The following ADCY3 variants were observed in gnomAD, a reference collection of about 807,000 sequenced individuals.
The protein encoded by ADCY3 is adenylate cyclase type 3.
A neutral mutation model predicts 119.4 loss-of-function variants in ADCY3; 70 were observed. The ratio of observed to expected loss-of-function variants is 0.59; its 90% confidence interval spans 0.48 to 0.72. ADCY3 has a LOEUF of 0.72. Among genes scored for constraint, ADCY3 ranks in the 30% least tolerant of loss-of-function variants. ADCY3 has a pLI of 0.00. For missense variants in ADCY3, 1,238 were observed against 1,541.6 expected (o/e 0.80, Z 3.30); for synonymous variants, 672 against 621.4 (o/e 1.08, Z -1.21).
At chr2:24,876,704 G>C (rs529105902) in intron 2 of ADCY3, among the ~76,000 whole-genome samples, 18 of 152,258 alleles carry the variant, frequency 1.2e-4, no homozygotes, top group Non-Finnish European at 2.2e-4. Flanking sequence ...GGCAGCTGCC[G>C]TTCCTCTAAA....
chr2:24,835,306 C>T (rs1229465693), intron 9 of ADCY3, among the ~76,000 whole-genome samples: 1 of 152,104 alleles, frequency 6.6e-6, no homozygotes, highest in Non-Finnish European at 1.5e-5. Context: ...GATGTGGGGG[C>T]CATATACATT....
rs752163659 is a variant in ADCY3 at position 24,834,585 on chromosome 2, G to A, written c.1867C>T (p.Arg623Cys). The A allele has an allele frequency of 6.8e-6, 11 of 1,614,000 alleles. No individual in the cohort carries two copies. The highest frequency in any genetic ancestry group is 1.7e-5 in the Admixed American group (1 of 60,002). The change falls in exon 11 of 22, where the codon CGC (arginine) becomes TGC (cysteine). Residue 623 changes from arginine to cysteine, a missense_variant. Transcript: ENST00000679454. This position sits in a 1 kb window ranked among gnomAD's most constrained non-coding sequence, Gnocchi z 4.2. ...TGCTTCTCCTTCTCCACCGAGTAGC[G>A]GGTTTCCATCTCGGGGTCCATGAAC... is the stretch of plus-strand genomic sequence containing the variant. ...MRFMDPEMETRYSVEKEKQSG... is the reference protein window; with the variant it reads ...MRFMDPEMETCYSVEKEKQSG...
chr2:24,820,704 A>G lies in ADCY3; in HGVS notation c.3252+20T>C. On this transcript the variant is annotated intron_variant, in intron 21 of 21. Transcript: ENST00000679454. ...CTCATGCCGAGTCTGAGCACGTGCC[A>G]GCTGTGCCACTGGACATACCTGAAT... 1 of 1,613,708 alleles carries G rather than the reference A, an allele frequency of 6.2e-7. No homozygotes were observed. Among genetic ancestry groups the G allele is most frequent in the Non-Finnish European group, 8.5e-7 (1 of 1,179,764 alleles).
chr2:24,845,217 A>AGTCACTTCC (rs1244623909), intron 3 of ADCY3, among the ~76,000 whole-genome samples: 2 of 152,228 alleles, frequency 1.3e-5, no homozygotes, highest in African/African-American at 4.8e-5. Context: ...GATACCCAAA[A>AGTCACTTCC]ACGTGGAAGT....
In ADCY3 at chr2:24,841,794, C is replaced by A; in HGVS notation, c.957-127G>T. On this transcript the variant is annotated intron_variant, in intron 4 of 21. Transcript: ENST00000679454. The surrounding 1 kb of genome is among the most constrained non-coding windows in gnomAD (Gnocchi z 5.8). Reference sequence around the variant, plus strand: ...GCAGGAGAAGGTCCTCCCTCACGACCCCCAGACAGTGAGACCCTGACCCTT... The same window carrying A: ...GCAGGAGAAGGTCCTCCCTCACGACACCCAGACAGTGAGACCCTGACCCTT... The A allele has an allele frequency of 1.4e-6, 1 of 692,536 alleles. No homozygotes were observed. The highest frequency in any genetic ancestry group is 2.5e-6 in the Non-Finnish European group (1 of 393,080). The allele number at this position is 692,536 out of a possible 1,614,324, so 42.9% of individuals were successfully genotyped here.
At chr2:24,908,799 T>A (rs1663215497) in intron 2 of ADCY3, among the ~76,000 whole-genome samples, 1 of 152,086 alleles carries the variant, frequency 6.6e-6, no homozygotes, top group Non-Finnish European at 1.5e-5. Flanking sequence ...GCTTCCTGCT[T>A]CCTAATGGCC....
chr2:24,896,485 G>GGTCA (rs1187138821), intron 2 of ADCY3, among the ~76,000 whole-genome samples: 2 of 151,518 alleles, frequency 1.3e-5, no homozygotes, highest in East Asian at 3.9e-4. Flanking sequence ...TTTGTTAGTG[G>GGTCA]GTCAGTCACA....
chr2:24,857,291 G>A (rs902746609), intron 3 of ADCY3, among the ~76,000 whole-genome samples: 1 of 152,266 alleles, frequency 6.6e-6, no homozygotes, highest in African/African-American at 2.4e-5. Flanking sequence ...GGCCACGTGT[G>A]TGGTACCTGG....
At chr2:24,887,219 C>T (rs1677136512) in intron 2 of ADCY3, among the ~76,000 whole-genome samples, 1 of 152,150 alleles carries the variant, frequency 6.6e-6, no homozygotes, top group African/African-American at 2.4e-5. Context: ...ATAATACCAT[C>T]GGATCTTGTG....
chr2:24,872,833 A>C lies in ADCY3; in HGVS notation c.676-114T>G, dbSNP rs1220084879. ...TGGGTGGTGACCAAAATCAAACCTC[A>C]AGTTGCCCAATGTCCAGGGAGGGGC... is the stretch of plus-strand genomic sequence containing the variant. On this transcript the variant is annotated intron_variant, in intron 2 of 21. Transcript: ENST00000679454. This position sits in a 1 kb window ranked among gnomAD's most constrained non-coding sequence, Gnocchi z 4.4. The C allele has an allele frequency of 7.8e-7, 1 of 1,285,632 alleles. No homozygotes were observed. Among genetic ancestry groups the C allele is most frequent in the Non-Finnish European group, 1.1e-6 (1 of 926,818 alleles). 79.6% of individuals were successfully genotyped at this position (1,285,632 alleles called of 1,614,324 possible).
intron 3 of ADCY3, among the ~76,000 whole-genome samples, chr2:24,867,922 G>T (rs1379873653): frequency 1.3e-5 from 2 of 152,164 alleles, no homozygotes; most frequent in East Asian, 1.9e-4. Context: ...GAAGTTAAAA[G>T]GTTGTGAGGT....
chr2:24,862,049 C>T (rs77981750), intron 3 of ADCY3, among the ~76,000 whole-genome samples: 10,483 of 152,264 alleles, frequency 0.069, 438 homozygotes, highest in East Asian at 0.095. Context: ...CCCCCAAAAA[C>T]GCTGGCAGAG....
intron 2 of ADCY3, among the ~76,000 whole-genome samples, chr2:24,892,386 TTACAGGCGCTTG>T (rs1354605463): frequency 6.6e-6 from 1 of 152,094 alleles, no homozygotes; most frequent in Non-Finnish European, 1.5e-5. Flanking sequence ...GTAGCTGGGA[TTACAGGCGCTTG>T]CCACCAAGTG....
At chr2:24,904,784 G>T (rs1247599536) in intron 2 of ADCY3, among the ~76,000 whole-genome samples, 4 of 151,754 alleles carry the variant, frequency 2.6e-5, no homozygotes, top group Admixed American at 6.6e-5. Flanking sequence ...TGGGATTACA[G>T]GCATGCACCA....
chr2:24,908,532 T>C (rs1483094360), intron 2 of ADCY3, among the ~76,000 whole-genome samples: 1 of 152,178 alleles, frequency 6.6e-6, no homozygotes, highest in Non-Finnish European at 1.5e-5. Context: ...AGTTCAAAGA[T>C]CAGAGATGGT....
In ADCY3 at chr2:24,918,966, A is replaced by C. The variant is rs763184046; in HGVS notation, c.22T>G (p.Ser8Ala). ...TACTCGGCCGAGTATTCGGGCTCGGAGAAGCCCTGGTTCCTCGGCATACTG... is the reference window on the plus strand; with the variant it reads ...TACTCGGCCGAGTATTCGGGCTCGGCGAAGCCCTGGTTCCTCGGCATACTG... MPRNQGF[S>A]EPEYSAEYSA... The change falls in exon 2 of 22, where the codon TCC becomes GCC. Residue 8 changes from serine (S) to alanine (A), a missense_variant. By Grantham distance (99) the Ser-to-Ala change is moderately conservative (BLOSUM62 1). This residue lies in a region of ADCY3 where 227 missense variants were observed against 249.3 expected (regional missense o/e 0.91). Coordinates refer to ENST00000679454, the MANE Select transcript of ADCY3 (RefSeq NM_004036.5). The surrounding 1 kb of genome is among the most constrained non-coding windows in gnomAD (Gnocchi z 5.4). 2 of 1,593,294 alleles carry C rather than the reference A, an allele frequency of 1.3e-6. No homozygotes were observed. Among genetic ancestry groups the C allele is most frequent in the South Asian group, 2.2e-5 (2 of 89,464 alleles).
intron 2 of ADCY3, among the ~76,000 whole-genome samples, chr2:24,902,499 A>G (rs1049647089): frequency 1.3e-5 from 2 of 152,092 alleles, no homozygotes; most frequent in Non-Finnish European, 2.9e-5. Context: ...ATCCAAGTCA[A>G]CTTCTCTCCC....
intron 7 of ADCY3, 99 bp from the exon 8 acceptor site, chr2:24,838,721 G>T: frequency 6.3e-7 from 1 of 1,588,038 alleles, no homozygotes; most frequent in South Asian, 1.1e-5. Flanking sequence ...CTGCTGCTCG[G>T]CCCCGTGTCT....
At chr2:24,843,646 TG>T (rs1671316945) in intron 3 of ADCY3, among the ~76,000 whole-genome samples, 1 of 152,370 alleles carries the variant, frequency 6.6e-6, no homozygotes, top group African/African-American at 2.4e-5. Context: ...GTCTGTGGCT[TG>T]GGCGGTGCCG....
Sources: allele counts gnomAD v4.1 joint callset (sites outside exome capture counted in the v4.1 genomes callset), GRCh38; gene constraint gnomAD v4.1.1; regional missense constraint gnomAD v4.1.1; non-coding constraint Gnocchi (gnomAD v3.1); transcripts MANE v1.5; gene names NCBI Gene and HGNC (gene_info 2026-07-23, HGNC 2026-07-21).